FSIP2: variants seen among roughly 807,000 people sequenced by gnomAD.
FSIP2 encodes the protein fibrous sheath-interacting protein 2.
A neutral mutation model predicts 510.5 loss-of-function variants in FSIP2; 367 were observed. That is an observed-to-expected ratio of 0.72 (90% CI 0.66 to 0.78). The LOEUF is 0.78. Ranked by LOEUF, FSIP2 falls within the 30% of genes least tolerant of loss-of-function variation. The pLI is 0.00. For missense variants in FSIP2, 7,594 were observed against 7,901.7 expected, an observed-to-expected ratio of 0.96 and a Z score of 1.48; for synonymous variants, 2,601 against 2,732.2, an observed-to-expected ratio of 0.95 and a Z score of 1.50.
chr2:185,756,138 G>A (rs1274628296), intron 8 of FSIP2, 54 bp from the exon 9 acceptor site: 5 of 683,720 alleles, frequency 7.3e-6, no homozygotes, highest in Admixed American at 2.9e-5. Context: ...TCTATCTTGG[G>A]TAATTCTGTC....
At chr2:185,782,103 T>C (rs1399188209) in intron 13 of FSIP2, among the ~76,000 whole-genome samples, 3 of 152,206 alleles carry the variant, frequency 2.0e-5, no homozygotes, top group Non-Finnish European at 2.9e-5. Flanking sequence ...CCCAAAGTGC[T>C]GGGATTACAG....
At position 185,793,281 on chromosome 2, in the gene FSIP2, A is replaced by G; in HGVS notation, c.6145A>G (p.Ile2049Val). Reference sequence around the variant, plus strand: ...AATTGTTAACGCATTGTTAGACATTATATCACGTAAAGGCAAATGTGACAA... The same window carrying G: ...AATTGTTAACGCATTGTTAGACATTGTATCACGTAAAGGCAAATGTGACAA... Reference protein sequence around the residue: ...SQIVNALLDIISRKGKCDKNS... With the variant: ...SQIVNALLDIVSRKGKCDKNS... The change falls in exon 16 of 23, where the codon ATA (isoleucine) becomes GTA (valine). Residue 2049 changes from isoleucine to valine, a missense_variant. Transcript: ENST00000424728. 7.8e-6 allele frequency: 12 copies of G among 1,534,232 alleles called. No homozygotes were observed. The highest frequency in any genetic ancestry group is 1.0e-5 in the Non-Finnish European group (12 of 1,145,538).
At chr2:185,745,362 A>T in intron 4 of FSIP2, 67 bp from the exon 5 acceptor site, 1 of 922,418 alleles carries the variant, frequency 1.1e-6, no homozygotes, top group African/African-American at 1.7e-5. Flanking sequence ...ATATAAATTT[A>T]AATGGTTTTA....
intron 2 of FSIP2, among the ~76,000 whole-genome samples, chr2:185,739,685 T>C (rs1691882905): frequency 6.6e-6 from 1 of 152,204 alleles, no homozygotes; most frequent in Admixed American, 6.5e-5. Context: ...AAGTTTAGAT[T>C]CTTAGTCCTT....
In FSIP2 at chr2:185,802,397, C is replaced by A. The variant is rs1273361103; in HGVS notation, c.13091C>A (p.Ser4364Tyr). 1 of 1,533,144 alleles carries A rather than the reference C, an allele frequency of 6.5e-7. No homozygotes were observed. The allele number at this position is 1,533,144 out of a possible 1,614,324, so 95.0% of individuals were successfully genotyped here. The change falls in exon 17 of 23, where the codon TCT (serine) becomes TAT (tyrosine). Residue 4364 changes from serine to tyrosine, a missense_variant. Physicochemically the swap from Ser to Tyr is moderately radical, Grantham distance 144. Transcript: ENST00000424728. ...LYDDKEQAFF[S>Y]FNTDIVDELA... ...GATGACAAAGAACAGGCTTTCTTTT[C>A]TTTCAATACAGATATTGTGGATGAA...
In FSIP2 at chr2:185,800,534, T is replaced by C. The variant is rs1231290667; in HGVS notation, c.11228T>C (p.Leu3743Pro). ...CCTAATAGCATACTTACCAATAACCTACAGCTCTCCTCAAAATCAGTTTTT... is the reference window on the plus strand; with the variant it reads ...CCTAATAGCATACTTACCAATAACCCACAGCTCTCCTCAAAATCAGTTTTT... ...EQPNSILTNN[L>P]QLSSKSVFLL... The change falls in exon 17 of 23, where the codon CTA (leucine) becomes CCA (proline). Residue 3743 changes from leucine to proline, a missense_variant. Coordinates refer to ENST00000424728, the MANE Select transcript of FSIP2 (RefSeq NM_173651.4). 2.7e-5 allele frequency: 41 copies of C among 1,529,796 alleles called. No homozygotes were observed. The East Asian group carries it at 1.0e-3, about 37-fold the overall frequency. 94.8% of individuals were successfully genotyped at this position (1,529,796 alleles called of 1,614,324 possible). A position where few individuals can be genotyped will look rare whatever the true frequency, so the allele number is the denominator to read the frequency against.
chr2:185,773,626 G>A (rs913639186), intron 13 of FSIP2, among the ~76,000 whole-genome samples: 1 of 152,162 alleles, frequency 6.6e-6, no homozygotes, highest in Non-Finnish European at 1.5e-5. Context: ...ACACCAGTAA[G>A]TTTTTAATCT....
At chr2:185,752,651 T>C (rs1692171893) in intron 7 of FSIP2, among the ~76,000 whole-genome samples, 2 of 151,372 alleles carry the variant, frequency 1.3e-5, no homozygotes, top group African/African-American at 2.4e-5. Flanking sequence ...ATCTCACATA[T>C]TTGAAAATTG....
At position 185,794,498 on chromosome 2, in the gene FSIP2, G is replaced by C; in HGVS notation, c.7362G>C (p.Met2454Ile). The C allele has an allele frequency of 6.6e-7, 1 of 1,522,426 alleles. No homozygotes were observed. The highest frequency in any genetic ancestry group is 1.2e-5 in the South Asian group (1 of 80,894). The allele number at this position is 1,522,426 out of a possible 1,614,324, so 94.3% of individuals were successfully genotyped here. The change falls in exon 16 of 23, where the codon ATG (methionine) becomes ATC (isoleucine). Residue 2454 changes from methionine (M) to isoleucine (I), a missense_variant. By Grantham distance (10) the Met-to-Ile change is conservative (BLOSUM62 1). Transcript: ENST00000424728. ...AGTATCCATTAGAGCAAAACCAAAT[G>C]ATATTGGAAAACAAAAGGCAGATAA... Reference protein sequence around the residue: ...FTKYPLEQNQMILENKRQIIV... With the variant: ...FTKYPLEQNQIILENKRQIIV...
At chr2:185,778,273 C>T (rs578010101) in intron 13 of FSIP2, among the ~76,000 whole-genome samples, 1 of 152,042 alleles carries the variant, frequency 6.6e-6, no homozygotes, top group East Asian at 1.9e-4. Flanking sequence ...TTTAATGTCT[C>T]TGTTCTTTAG....
intron 21 of FSIP2, among the ~76,000 whole-genome samples, chr2:185,829,437 T>C (rs1002241188): frequency 2.0e-5 from 3 of 151,922 alleles, no homozygotes; most frequent in Non-Finnish European, 4.4e-5. Context: ...TATTTGCATA[T>C]CCTCTGGCTT....
At chr2:185,776,425 G>T (rs1261142687) in intron 13 of FSIP2, among the ~76,000 whole-genome samples, 1 of 151,878 alleles carries the variant, frequency 6.6e-6, no homozygotes, top group East Asian at 1.9e-4. Flanking sequence ...TTCCCTCTTA[G>T]AATCCCTTTC....
intron 13 of FSIP2, among the ~76,000 whole-genome samples, chr2:185,781,842 T>C (rs1371368180): frequency 9.6e-6 from 1 of 104,492 alleles, no homozygotes; most frequent in Non-Finnish European, 2.1e-5. Context: ...GTATGGGCAC[T>C]CTTTTTTTTT....
chr2:185,741,284 A>AT (rs5836955), intron 2 of FSIP2, among the ~76,000 whole-genome samples: 82,414 of 151,638 alleles, frequency 0.54, 22,622 homozygotes, highest in South Asian at 0.64. Flanking sequence ...TCATTTAATG[A>AT]AATTAGTCAC....
Position 185,828,190 on chromosome 2 carries a change from C to A in FSIP2, c.20508C>A (p.Asn6836Lys). The change falls in exon 21 of 23, where the codon AAC becomes AAA. Residue 6836 changes from asparagine (N) to lysine (K), a missense_variant. Physicochemically the swap from Asn to Lys is moderately conservative, Grantham distance 94. Transcript: ENST00000424728. The part of the protein sequence containing the change: ...SSQEQKPEHG[N>K]SVKFITIFER... ...AGGAACAAAAGCCAGAGCATGGAAA[C>A]AGTGTTAAGGTAAGTATTTTTAACT... 1 of 1,575,072 alleles carries A rather than the reference C, an allele frequency of 6.3e-7. No individual in the cohort carries two copies. Among genetic ancestry groups the A allele is most frequent in the Non-Finnish European group, 8.7e-7 (1 of 1,146,884 alleles).
rs1693614933 is a variant in FSIP2 at position 185,807,530 on chromosome 2, C to G, written c.18224C>G (p.Ser6075Cys). ...MTIQYVETLQ[S>C]DDDEIIQLVV... ...ATACAGTATGTAGAAACCTTACAAT[C>G]TGATGATGATGAAATTATTCAATTA... The change falls in exon 17 of 23, where the codon TCT becomes TGT. Residue 6075 changes from serine to cysteine, a missense_variant. Coordinates refer to ENST00000424728, the MANE Select transcript of FSIP2 (RefSeq NM_173651.4). 3 of 1,610,844 alleles carry G rather than the reference C, an allele frequency of 1.9e-6. No individual in the cohort carries two copies. In the South Asian group the frequency reaches 3.3e-5, roughly 18 times the overall value.
chr2:185,738,694 C>T (rs778782758), upstream of FSIP2: 15 of 1,536,106 alleles, frequency 9.8e-6, no homozygotes, highest in Middle Eastern at 2.0e-3. Context: ...TCTGCGGGCG[C>T]TCTACGCGCT....
At chr2:185,820,104 C>T (rs1445187830) in intron 19 of FSIP2, among the ~76,000 whole-genome samples, 1 of 151,892 alleles carries the variant, frequency 6.6e-6, no homozygotes, top group Non-Finnish European at 1.5e-5. Flanking sequence ...TTCAATTGTT[C>T]TTCCCATAAT....
chr2:185,738,421 C>T (rs1265237039), upstream of FSIP2: 2 of 600,298 alleles, frequency 3.3e-6, no homozygotes, highest in Non-Finnish European at 5.8e-6. Context: ...GCCTTGTGGA[C>T]CTGGTGTGGG....
Sources: allele counts gnomAD v4.1 joint callset (sites outside exome capture counted in the v4.1 genomes callset), GRCh38; gene constraint gnomAD v4.1.1; transcripts MANE v1.5; gene names NCBI Gene and HGNC (gene_info 2026-07-23, HGNC 2026-07-21).